SHISA9: variants seen among roughly 807,000 people sequenced by gnomAD.
SHISA9 encodes the protein protein shisa-9.
Under a neutral mutation model 38.0 loss-of-function variants are expected in SHISA9, and 13 were observed. That is an observed-to-expected ratio of 0.34 (90% CI 0.22 to 0.54). The LOEUF (loss-of-function observed/expected upper bound fraction) is 0.54. SHISA9 is among the 20% of genes least tolerant of loss of function. The pLI is 0.91. For missense variants in SHISA9, 538 were observed against 575.8 expected (o/e 0.93, Z 0.67); for synonymous variants, 275 against 242.0 (o/e 1.14, Z -1.27).
At chr16:13,053,614 G>A (rs564464853) in intron 2 of SHISA9, among the ~76,000 whole-genome samples, 1 of 151,382 alleles carries the variant, frequency 6.6e-6, no homozygotes, top group South Asian at 2.1e-4. Context: ...CACCTTGCCT[G>A]ATTCCCTGTT....
chr16:12,953,829 C>G (rs1037253561), intron 2 of SHISA9, among the ~76,000 whole-genome samples: 17 of 152,042 alleles, frequency 1.1e-4, no homozygotes, highest in African/African-American at 4.1e-4. Context: ...TGGTGGAAGG[C>G]AAAGGGGAAA....
chr16:13,098,249 C>T lies in SHISA9; in HGVS notation c.692-105145C>T, dbSNP rs776584163. Among the ~76,000 whole-genome samples the T allele has an allele frequency of 8.1e-4, 124 of 152,198 alleles. 1 individual carries two copies. The highest frequency in any genetic ancestry group is 2.0e-4 in the Admixed American group (3 of 15,276). On this transcript the variant is annotated intron_variant, in intron 2 of 4. Transcript: ENST00000558583. ...AACAACTTCTTTGAACTTTGGTTTC[C>T]TCATCCATAGAAATGGAGCAAAAAT...
intron 2 of SHISA9, among the ~76,000 whole-genome samples, chr16:13,164,319 G>C (rs1237205175): frequency 6.6e-6 from 1 of 151,916 alleles, no homozygotes; most frequent in Non-Finnish European, 1.5e-5. Flanking sequence ...ACCAACCTTG[G>C]ATTAATTAGA....
intron 2 of SHISA9, among the ~76,000 whole-genome samples, chr16:13,030,756 A>T (rs2072981019): frequency 6.6e-6 from 1 of 152,226 alleles, no homozygotes; most frequent in Non-Finnish European, 1.5e-5. Context: ...ATGGTAGGAA[A>T]AAATTAACTA....
chr16:13,475,513 T>C, the SHISA9 span, among the ~76,000 whole-genome samples: 1 of 152,036 alleles, frequency 6.6e-6, no homozygotes, highest in Non-Finnish European at 1.5e-5. Context: ...AAGACAGTAA[T>C]GGTCACTCAT....
intron 2 of SHISA9, among the ~76,000 whole-genome samples, chr16:12,939,786 C>T (rs1318415850): frequency 6.6e-6 from 1 of 152,208 alleles, no homozygotes; most frequent in Non-Finnish European, 1.5e-5. Flanking sequence ...CATATACCTG[C>T]TGTAGATGCT....
At chr16:13,432,055 C>A in the SHISA9 span, among the ~76,000 whole-genome samples, 1 of 152,128 alleles carries the variant, frequency 6.6e-6, no homozygotes. Context: ...AGTGGGACTT[C>A]ATTTCGAAAC....
chr16:13,472,885 CAA>C, the SHISA9 span, among the ~76,000 whole-genome samples: 3 of 152,088 alleles, frequency 2.0e-5, no homozygotes, highest in African/African-American at 7.2e-5. Context: ...CGTATTTATT[CAA>C]AGTTTTGATA....
At chr16:13,394,969 G>GT in the SHISA9 span, among the ~76,000 whole-genome samples, 2 of 148,720 alleles carry the variant, frequency 1.3e-5, no homozygotes, top group Non-Finnish European at 1.5e-5. Flanking sequence ...GTGTGTGTGT[G>GT]GCTGTTTGTG....
rs752433766 is a variant in SHISA9, at chr16:12,916,795, G to A, written c.671G>A (p.Arg224Lys). The change falls in exon 2 of 5, where the codon AGA (arginine) becomes AAA (lysine). Residue 224 changes from arginine to lysine, a missense_variant. Arg to Lys is a conservative substitution (Grantham distance 26, BLOSUM62 2). Coordinates refer to ENST00000558583, the MANE Select transcript of SHISA9 (RefSeq NM_001145204.3). ...HVQHYENMDT[R>K]TPINNLHATQ... ...CAGCATTATGAGAACATGGACACGA[G>A]AACCCCCATAAATAATCTTCGTAAG... The A allele has an allele frequency of 5.8e-6, 9 of 1,551,652 alleles. No homozygotes were observed. Among genetic ancestry groups the A allele is most frequent in the African/African-American group, 2.7e-5 (2 of 73,028 alleles).
At chr16:13,539,446 G>T in the SHISA9 span, among the ~76,000 whole-genome samples, 1 of 150,062 alleles carries the variant, frequency 6.7e-6, no homozygotes, top group African/African-American at 2.5e-5. Context: ...CAAAGTTCTG[G>T]GATTACAGGT....
chr16:13,150,000 ATGCTC>A, intron 2 of SHISA9, among the ~76,000 whole-genome samples: 1 of 145,872 alleles, frequency 6.9e-6, no homozygotes, highest in African/African-American at 2.5e-5. Context: ...TATATAGGAA[ATGCTC>A]AATGGTCATT....
chr16:13,191,515 T>C (rs2050885345), intron 2 of SHISA9, among the ~76,000 whole-genome samples: 1 of 152,204 alleles, frequency 6.6e-6, no homozygotes, highest in Admixed American at 6.5e-5. Flanking sequence ...ATGATGATCA[T>C]AATGTATTTG....
At chr16:12,907,351 CCTCTT>C (rs2071115870) in intron 1 of SHISA9, among the ~76,000 whole-genome samples, 1 of 145,724 alleles carries the variant, frequency 6.9e-6, no homozygotes, top group African/African-American at 2.6e-5. Context: ...CTTCCCCTCC[CCTCTT>C]CTCATCTTCT....
chr16:13,114,388 C>T (rs1425437551), intron 2 of SHISA9, among the ~76,000 whole-genome samples: 3 of 150,682 alleles, frequency 2.0e-5, no homozygotes, highest in African/African-American at 7.3e-5. Context: ...ATTGCTTGAA[C>T]CCAGTAGGCG....
the SHISA9 span, among the ~76,000 whole-genome samples, chr16:13,316,091 G>C: frequency 2.6e-5 from 4 of 152,122 alleles, no homozygotes; most frequent in East Asian, 7.7e-4. Context: ...ATTTGGAAAG[G>C]GCATATCACA....
chr16:13,075,898 G>A (rs1343240103), intron 2 of SHISA9, among the ~76,000 whole-genome samples: 1 of 152,044 alleles, frequency 6.6e-6, no homozygotes, highest in Non-Finnish European at 1.5e-5. Flanking sequence ...ATTCTAGGGT[G>A]TTTAGCAACA....
chr16:13,037,239 G>A (rs1009386592), intron 2 of SHISA9, among the ~76,000 whole-genome samples: 1 of 151,948 alleles, frequency 6.6e-6, no homozygotes, highest in Non-Finnish European at 1.5e-5. Flanking sequence ...GCGTTTGAAG[G>A]CAGAATTGGT....
chr16:12,945,785 TA>T (rs1362766384), intron 2 of SHISA9, among the ~76,000 whole-genome samples: 2 of 152,020 alleles, frequency 1.3e-5, no homozygotes, highest in Non-Finnish European at 2.9e-5. Context: ...GGTATATACA[TA>T]CACATCTCCT....
Sources: gnomAD v4.1 joint callset for allele counts (sites outside exome capture counted in the v4.1 genomes callset) on GRCh38, gnomAD v4.1.1 for gene constraint, MANE v1.5 for transcripts, NCBI Gene and HGNC (gene_info 2026-07-23, HGNC 2026-07-21) for gene names.